The following ZFPM2 variants were observed in gnomAD, a reference collection of about 807,000 sequenced individuals.
The protein encoded by ZFPM2 is zinc finger protein ZFPM2.
ZFPM2 carries 20 observed loss-of-function variants against 98.6 expected under a neutral mutation model. The observed-to-expected ratio is 0.20, with a 90% CI of 0.14 to 0.29. ZFPM2 has a LOEUF of 0.29. Ranked by LOEUF, ZFPM2 falls within the 10% of genes least tolerant of loss-of-function variation. The pLI is 1.00. For synonymous variants in ZFPM2, 518 were observed against 502.7 expected, an observed-to-expected ratio of 1.03 and a Z score of -0.41; for missense variants, 1,310 against 1,388.6, an observed-to-expected ratio of 0.94 and a Z score of 0.90.
At chr8:105,633,510 G>T (rs1195977704) in intron 4 of ZFPM2, among the ~76,000 whole-genome samples, 1 of 152,150 alleles carries the variant, frequency 6.6e-6, no homozygotes, top group African/African-American at 2.4e-5. Flanking sequence ...GCCAAAAACT[G>T]TGACTATTTT....
chr8:105,612,713 A>G (rs1282279776), intron 4 of ZFPM2, among the ~76,000 whole-genome samples: 1 of 152,216 alleles, frequency 6.6e-6, no homozygotes, highest in Admixed American at 6.5e-5. Flanking sequence ...TGCATTAGAA[A>G]GTCTGTGAAC....
intron 3 of ZFPM2, among the ~76,000 whole-genome samples, chr8:105,485,310 TG>T (rs1219477491): frequency 0.016 from 2,384 of 151,644 alleles, 58 homozygotes; most frequent in African/African-American, 0.055. Context: ...TTTGTTTGTT[TG>T]TTTGTTTTTG....
intron 3 of ZFPM2, among the ~76,000 whole-genome samples, chr8:105,546,568 C>CAA (rs376278402): frequency 0.18 from 14,828 of 84,236 alleles, 832 homozygotes; most frequent in Admixed American, 0.25. Context: ...AGCTCAGTCT[C>CAA]AAAAAAAAAA....
In ZFPM2 at chr8:105,525,647, C is replaced by T. The variant is rs188541783; in HGVS notation, c.302-35716C>T. ...TAGGTGATATGATTTCCATGTCCTC[C>T]GTAAGATTAAATTGATTTTGTAATT... is the stretch of plus-strand genomic sequence containing the variant. On this transcript the variant is annotated intron_variant, in intron 3 of 7. Coordinates refer to ENST00000407775, the MANE Select transcript of ZFPM2 (RefSeq NM_012082.4). 3.3e-5 allele frequency among the ~76,000 whole-genome samples: 5 copies of T among 152,084 alleles called. No individual in the cohort carries two copies. In the East Asian group the frequency reaches 7.7e-4, roughly 23 times the overall value.
At chr8:105,588,510 C>T (rs1228576256) in intron 4 of ZFPM2, among the ~76,000 whole-genome samples, 3 of 152,090 alleles carry the variant, frequency 2.0e-5, no homozygotes, top group African/African-American at 2.4e-5. Flanking sequence ...GAAAACACTT[C>T]GTTACATAAG....
intron 1 of ZFPM2, among the ~76,000 whole-genome samples, chr8:105,332,010 G>T (rs1328955810): frequency 6.6e-6 from 1 of 151,598 alleles, no homozygotes; most frequent in African/African-American, 2.4e-5. Flanking sequence ...GCATACTATT[G>T]TTATGTAGCA....
chr8:105,627,680 T>C (rs1336352483), intron 4 of ZFPM2, among the ~76,000 whole-genome samples: 4 of 152,214 alleles, frequency 2.6e-5, no homozygotes, highest in Non-Finnish European at 5.9e-5. Flanking sequence ...TTTCTCATAC[T>C]CCCTGACCAC....
intron 5 of ZFPM2, among the ~76,000 whole-genome samples, chr8:105,713,839 A>T (rs1045188978): frequency 1.3e-5 from 2 of 152,064 alleles, no homozygotes; most frequent in African/African-American, 4.8e-5. Context: ...TACCAGTATC[A>T]TGCTGTTTTG....
chr8:105,744,510 A>G (rs538132398), intron 5 of ZFPM2, among the ~76,000 whole-genome samples: 13 of 152,258 alleles, frequency 8.5e-5, no homozygotes, highest in African/African-American at 2.9e-4. Flanking sequence ...TGAGAAAGGC[A>G]GATACTAATG....
At chr8:105,786,603 T>C (rs1245867412) in intron 5 of ZFPM2, among the ~76,000 whole-genome samples, 2 of 152,234 alleles carry the variant, frequency 1.3e-5, no homozygotes, top group Non-Finnish European at 2.9e-5. Flanking sequence ...TGTGAAACAT[T>C]ATTGGGTACA....
chr8:105,563,852 A>AAGTGTACTGACACTGTATC (rs1322241264), intron 4 of ZFPM2, among the ~76,000 whole-genome samples: 1 of 152,132 alleles, frequency 6.6e-6, no homozygotes, highest in Non-Finnish European at 1.5e-5. Flanking sequence ...ATTTCTTCAA[A>AAGTGTACTGACACTGTATC]AGTGTACTGA....
chr8:105,544,013 T>A (rs923139556), intron 3 of ZFPM2, among the ~76,000 whole-genome samples: 1 of 152,176 alleles, frequency 6.6e-6, no homozygotes, highest in Non-Finnish European at 1.5e-5. Context: ...GATGGCTGGT[T>A]ATCAAAAGGT....
intron 1 of ZFPM2, among the ~76,000 whole-genome samples, chr8:105,412,176 T>G (rs894732747): frequency 6.6e-6 from 1 of 151,852 alleles, no homozygotes; most frequent in Non-Finnish European, 1.5e-5. Context: ...GTACATTTTT[T>G]CTCCCTAAAG....
rs531248513 is a variant in ZFPM2 at position 105,525,287 on chromosome 8, T to A, written c.302-36076T>A. On this transcript the variant is annotated intron_variant, in intron 3 of 7. Coordinates refer to ENST00000407775, the MANE Select transcript of ZFPM2 (RefSeq NM_012082.4). ...ATACTGTTGCCATCGGCACAGTTAC[T>A]TCTGACCTATCAGCTTTATTCAGTC... 4.6e-5 allele frequency among the ~76,000 whole-genome samples: 7 copies of A among 152,348 alleles called. No individual in the cohort carries two copies. The South Asian group carries it at 1.4e-3, about 32-fold the overall frequency.
chr8:105,502,064 A>G (rs1400560294), intron 3 of ZFPM2, among the ~76,000 whole-genome samples: 1 of 152,186 alleles, frequency 6.6e-6, no homozygotes, highest in African/African-American at 2.4e-5. Flanking sequence ...TTAAATAAAA[A>G]TTCAAGTAAA....
chr8:105,444,452 A>G (rs1812327496), intron 3 of ZFPM2, 71 bp downstream of exon 3: 2 of 1,181,968 alleles, frequency 1.7e-6, no homozygotes, highest in African/African-American at 3.1e-5. Context: ...TTTTTTCTTG[A>G]ACATCAGTTA....
intron 1 of ZFPM2, among the ~76,000 whole-genome samples, chr8:105,353,016 G>C (rs1375709909): frequency 6.6e-6 from 1 of 152,118 alleles, no homozygotes; most frequent in East Asian, 1.9e-4. Flanking sequence ...TAAGTACACA[G>C]CTTGAAAACA....
chr8:105,700,195 A>G (rs557526488), intron 5 of ZFPM2, among the ~76,000 whole-genome samples: 1 of 152,240 alleles, frequency 6.6e-6, no homozygotes, highest in Non-Finnish European at 1.5e-5. Flanking sequence ...TTATTCTGCC[A>G]TAATGCTACA....
chr8:105,701,130 GT>G (rs2130957007), intron 5 of ZFPM2, among the ~76,000 whole-genome samples: 1 of 152,150 alleles, frequency 6.6e-6, no homozygotes, highest in African/African-American at 2.4e-5. Flanking sequence ...GTTTTTCCTT[GT>G]TTTATCTTGG....
Sources: allele counts gnomAD v4.1 joint callset (sites outside exome capture counted in the v4.1 genomes callset), GRCh38; gene constraint gnomAD v4.1.1; transcripts MANE v1.5; gene names NCBI Gene and HGNC (gene_info 2026-07-23, HGNC 2026-07-21).